Variants in PUDP observed in about 807,000 individuals in gnomAD.
PUDP encodes pseudouridine-5'-phosphatase.
PUDP carries 8 observed loss-of-function variants against 9.4 expected under a neutral mutation model. That is an observed-to-expected ratio of 0.85 (90% CI 0.50 to 1.53). The LOEUF is 1.53. Among genes scored for constraint, PUDP ranks in the 40% most tolerant of loss-of-function variants. PUDP has a pLI of 0.00. For synonymous variants in PUDP, 99 were observed against 80.7 expected, an observed-to-expected ratio of 1.23 and a Z score of -1.22; for missense variants, 188 against 189.7, an observed-to-expected ratio of 0.99 and a Z score of 0.05.
At chrX:7,023,415 AT>A (rs1929661293) in intron 1 of PUDP, among the ~76,000 whole-genome samples, 1 of 112,201 alleles carries the variant, frequency 8.9e-6, no homozygotes. Context: ...GTGAGATCAT[AT>A]TTTTGGTCTC....
intron 3 of PUDP, among the ~76,000 whole-genome samples, chrX:6,951,341 G>A (rs972345219): frequency 5.6e-5 from 6 of 107,730 alleles, no homozygotes; most frequent in African/African-American, 2.1e-4. Context: ...TCTATCTATC[G>A]AGCCATCCAA....
chrX:7,093,313 A>T (rs1221252760), intron 2 of PUDP, among the ~76,000 whole-genome samples: 1 of 112,099 alleles, frequency 8.9e-6, no homozygotes, highest in Non-Finnish European at 1.9e-5. Context: ...CTCAATCAAA[A>T]GGAAAACCCC....
At chrX:6,945,568 C>A (rs757516016) in intron 3 of PUDP, among the ~76,000 whole-genome samples, 1 of 110,975 alleles carries the variant, frequency 9.0e-6, no homozygotes, top group South Asian at 3.8e-4. Context: ...ACAAAGAAAT[C>A]AAAGAAATGT....
chrX:7,021,473 G>C (rs1224910787), intron 1 of PUDP, among the ~76,000 whole-genome samples: 3 of 111,736 alleles, frequency 2.7e-5, no homozygotes, highest in Non-Finnish European at 5.6e-5. Context: ...ACTCAACACT[G>C]CCAGAGAAGA....
intron 1 of PUDP, among the ~76,000 whole-genome samples, chrX:7,123,479 A>G (rs1378997945): frequency 7.1e-5 from 8 of 112,254 alleles, no homozygotes; most frequent in African/African-American, 2.6e-4. Flanking sequence ...ATAAGGTAAC[A>G]AGAAGACTTA....
At chrX:6,721,090 A>G (rs1924668575) in intron 1 of PUDP, among the ~76,000 whole-genome samples, 1 of 112,205 alleles carries the variant, frequency 8.9e-6, no homozygotes, top group Admixed American at 9.5e-5. Context: ...TTGAAAGAAA[A>G]GATGCAAATA....
chrX:7,050,665 G>A (rs764035799), intron 3 of PUDP, among the ~76,000 whole-genome samples, 193 bp from the exon 4 acceptor site: 5 of 112,492 alleles, frequency 4.4e-5, no homozygotes, highest in Admixed American at 9.4e-5. Flanking sequence ...TCTCCCCGCC[G>A]TGGCTCCTTT....
chrX:7,105,097 C>T (rs73192640), intron 2 of PUDP, among the ~76,000 whole-genome samples: 31,658 of 109,494 alleles, frequency 0.29, 3,400 homozygotes, highest in Admixed American at 0.43. Context: ...TTTTCCTTTC[C>T]GAAGAAAACT....
chrX:6,711,367 G>T (rs1475054251), intron 1 of PUDP, among the ~76,000 whole-genome samples: 1 of 110,955 alleles, frequency 9.0e-6, no homozygotes, highest in Non-Finnish European at 1.9e-5. Context: ...TCTGAGCAGC[G>T]CTCCTTCCTT....
intron 3 of PUDP, among the ~76,000 whole-genome samples, chrX:7,060,547 T>A (rs748214296): frequency 7.1e-5 from 8 of 112,146 alleles, no homozygotes; most frequent in Non-Finnish European, 9.4e-5. Context: ...CATGGATAAC[T>A]GTGTAGTTGA....
chrX:6,803,556 G>A (rs1053605080), intron 3 of PUDP, among the ~76,000 whole-genome samples: 1 of 112,446 alleles, frequency 8.9e-6, no homozygotes, highest in Non-Finnish European at 1.9e-5. Context: ...TTTAGTGACT[G>A]CAGAAGAAAA....
chrX:6,736,994 C>T (rs753068550), intron 3 of PUDP, among the ~76,000 whole-genome samples: 1 of 111,257 alleles, frequency 9.0e-6, no homozygotes, highest in East Asian at 2.8e-4. Flanking sequence ...TAACCCTGAA[C>T]CTAAAATAAC....
intron 3 of PUDP, among the ~76,000 whole-genome samples, chrX:6,801,056 A>C (rs941440653): frequency 1.7e-4 from 19 of 111,935 alleles, no homozygotes; most frequent in African/African-American, 6.2e-4. Context: ...TTGCTGTTTG[A>C]TCCCAGGGAT....
At chrX:7,146,569 G>T (rs900586374) in intron 1 of PUDP, among the ~76,000 whole-genome samples, 17 of 110,914 alleles carry the variant, frequency 1.5e-4, no homozygotes, top group African/African-American at 5.6e-4. Flanking sequence ...GACCTCTACG[G>T]GGATTTTTTT....
Position 6,894,722 on chromosome X carries a change from G to A in PUDP, c.*247+82411C>T, listed in dbSNP as rs1164650308. Among the ~76,000 whole-genome samples the A allele has an allele frequency of 1.8e-5, 2 of 111,275 alleles. 1 individual carries two copies. Among genetic ancestry groups the A allele is most frequent in the Non-Finnish European group, 3.8e-5 (2 of 53,043 alleles). On this transcript the variant is annotated intron_variant and NMD_transcript_variant, in intron 3 of 3. Transcript: ENST00000655425. ...GCAGAGCCAAGGATGGTGTGGGGGG[G>A]TTGGTTTTGATCTCTCAAAAGGTTC... is the stretch of plus-strand genomic sequence containing the variant.
intron 1 of PUDP, among the ~76,000 whole-genome samples, chrX:7,009,844 G>A (rs1229468096): frequency 9.0e-6 from 1 of 111,382 alleles, no homozygotes; most frequent in African/African-American, 3.3e-5. Flanking sequence ...ACAAAAAAAC[G>A]AAAGAAAACT....
intron 3 of PUDP, among the ~76,000 whole-genome samples, chrX:6,732,499 T>A (rs958196312): frequency 9.1e-6 from 1 of 109,722 alleles, no homozygotes; most frequent in Non-Finnish European, 1.9e-5. Context: ...TTATATTTTC[T>A]TTTTAGCTTA....
chrX:6,806,788 A>C (rs1207922247), intron 3 of PUDP, among the ~76,000 whole-genome samples: 1 of 112,731 alleles, frequency 8.9e-6, no homozygotes, highest in Non-Finnish European at 1.9e-5. Context: ...ATGCATCCTG[A>C]GAGGAGAGAA....
chrX:6,824,398 C>G (rs1182165238), intron 3 of PUDP, among the ~76,000 whole-genome samples: 1 of 111,536 alleles, frequency 9.0e-6, no homozygotes, highest in African/African-American at 3.3e-5. Context: ...AGCATGAGAA[C>G]AGACTAATAC....
Sources: allele counts gnomAD v4.1 joint callset (sites outside exome capture counted in the v4.1 genomes callset), GRCh38; gene constraint gnomAD v4.1.1; transcripts MANE v1.5; gene names NCBI Gene and HGNC (gene_info 2026-07-23, HGNC 2026-07-21).